Variants in ZFYVE28 observed in about 807,000 individuals in gnomAD.
The protein encoded by ZFYVE28 is zinc finger FYVE-type containing 28, also known as lateral signaling target protein 2 homolog.
Under a neutral mutation model 82.1 loss-of-function variants are expected in ZFYVE28, and 40 were observed. The ratio of observed to expected loss-of-function variants is 0.49; its 90% CI spans 0.38 to 0.63. ZFYVE28 has a LOEUF of 0.63. Among genes scored for constraint, ZFYVE28 ranks in the 30% least tolerant of loss-of-function variants. The pLI is 0.00. For missense variants in ZFYVE28, 1,321 were observed against 1,242.1 expected, an observed-to-expected ratio of 1.06 and a Z score of -0.96; for synonymous variants, 612 against 546.1, an observed-to-expected ratio of 1.12 and a Z score of -1.68.
intron 1 of ZFYVE28, among the ~76,000 whole-genome samples, chr4:2,404,763 G>A (rs1731650220): frequency 6.6e-6 from 1 of 152,060 alleles, no homozygotes; most frequent in Non-Finnish European, 1.5e-5. Context: ...AGAGCCAATG[G>A]CTGCACCACA....
intron 6 of ZFYVE28, among the ~76,000 whole-genome samples, chr4:2,327,903 A>C (rs1034250915): frequency 2.0e-5 from 3 of 152,240 alleles, no homozygotes; most frequent in African/African-American, 7.2e-5. Flanking sequence ...AAGAAGATGA[A>C]AGATAAGTGT....
chr4:2,271,020 A>G, intron 12 of ZFYVE28, 164 bp from the exon 13 acceptor site: 1 of 1,047,734 alleles, frequency 9.5e-7, no homozygotes, highest in Non-Finnish European at 1.4e-6. Context: ...GCTGGACTCT[A>G]TGAGGGGTCC....
intron 1 of ZFYVE28, among the ~76,000 whole-genome samples, chr4:2,406,172 G>C (rs528404442): frequency 6.6e-6 from 1 of 152,088 alleles, no homozygotes; most frequent in African/African-American, 2.4e-5. Flanking sequence ...AGGAATTCAA[G>C]ACCAGCCTGG....
chr4:2,362,371 T>C lies in ZFYVE28; in HGVS notation c.40-8298A>G, dbSNP rs1192312887. ...AGAGCCTCTGCCTGGGACACACAAA[T>C]GCGGCCCCACAGCTGTGACCCCCAC... On this transcript the variant is annotated intron_variant, in intron 1 of 12. Transcript: ENST00000290974. This position sits in a 1 kb window ranked among gnomAD's most constrained non-coding sequence, Gnocchi z 5.1. 6.6e-6 allele frequency among the ~76,000 whole-genome samples: 1 copy of C among 152,052 alleles called. No homozygotes were observed. Among genetic ancestry groups the C allele is most frequent in the Non-Finnish European group, 1.5e-5 (1 of 67,994 alleles).
At chr4:2,361,430 C>T (rs894126737) in intron 1 of ZFYVE28, among the ~76,000 whole-genome samples, 8 of 152,122 alleles carry the variant, frequency 5.3e-5, no homozygotes, top group Non-Finnish European at 7.4e-5. Context: ...GCGGTGCGCA[C>T]GTGTGAGCTC....
chr4:2,359,787 G>C (rs1725856022), intron 1 of ZFYVE28, among the ~76,000 whole-genome samples: 1 of 152,210 alleles, frequency 6.6e-6, no homozygotes, highest in South Asian at 2.1e-4. Context: ...CCATGCTGCA[G>C]TGCCATGCAG....
rs537553302 is a variant in ZFYVE28 at position 2,335,629 on chromosome 4, C to T, written c.701+76G>A. 20 of 1,410,424 alleles carry T rather than the reference C, an allele frequency of 1.4e-5. No individual in the cohort carries two copies. In the African/African-American group the frequency reaches 1.4e-4, roughly 10 times the overall value. 87.4% of individuals were successfully genotyped at this position (1,410,424 alleles called of 1,614,324 possible). A position where few individuals can be genotyped will look rare whatever the true frequency, so the allele number is the denominator to read the frequency against. On this transcript the variant is annotated intron_variant, in intron 6 of 12. Transcript: ENST00000290974. The surrounding 1 kb of genome is among the most constrained non-coding windows in gnomAD (Gnocchi z 5.8). Reference sequence around the variant, plus strand: ...GGTGGAGACGCCATGGACCGGCACCCGCACGGGACCTGGCACCATCAGCCC... The same window carrying T: ...GGTGGAGACGCCATGGACCGGCACCTGCACGGGACCTGGCACCATCAGCCC...
chr4:2,302,405 G>A (rs1443946381), intron 8 of ZFYVE28, among the ~76,000 whole-genome samples: 6 of 152,212 alleles, frequency 3.9e-5, no homozygotes, highest in Non-Finnish European at 8.8e-5. Flanking sequence ...GTGAGGAAAT[G>A]GTGTCCAGTG....
At position 2,303,904 on chromosome 4, in the gene ZFYVE28, G is replaced by A. The variant is rs558626982; in HGVS notation, c.2051+385C>T. On this transcript the variant is annotated intron_variant, in intron 8 of 12. Coordinates refer to ENST00000290974, the MANE Select transcript of ZFYVE28 (RefSeq NM_020972.3). ...GGATGCGGCTCAGGGCAAGGGGCCCGGCGCTGGCACAGCCCGCTCCCACTG... is the reference window on the plus strand; with the variant it reads ...GGATGCGGCTCAGGGCAAGGGGCCCAGCGCTGGCACAGCCCGCTCCCACTG... 5.2e-3 allele frequency among the ~76,000 whole-genome samples: 796 copies of A among 152,336 alleles called. 10 individuals are homozygous for A. Among genetic ancestry groups the A allele is most frequent in the African/African-American group, 0.018 (753 of 41,578 alleles).
chr4:2,367,307 G>A (rs1420240650), intron 1 of ZFYVE28, among the ~76,000 whole-genome samples: 2 of 152,188 alleles, frequency 1.3e-5, no homozygotes, highest in African/African-American at 2.4e-5. Context: ...AAACTTGCTA[G>A]GAAGACAATC....
chr4:2,408,776 C>T lies in ZFYVE28; in HGVS notation c.39+9509G>A, dbSNP rs1366094946. Reference sequence around the variant, plus strand: ...AGATGGCCCCACACTGTGAGTCCTGCCCATATAAGCCCCACCTAGATGAAG... The same window carrying T: ...AGATGGCCCCACACTGTGAGTCCTGTCCATATAAGCCCCACCTAGATGAAG... On this transcript the variant is annotated intron_variant, in intron 1 of 12. Transcript: ENST00000290974. The surrounding 1 kb of genome is among the most constrained non-coding windows in gnomAD (Gnocchi z 4.3). Among the ~76,000 whole-genome samples, 1 of 152,130 alleles carries T rather than the reference C, an allele frequency of 6.6e-6. No homozygotes were observed. The highest frequency in any genetic ancestry group is 1.5e-5 in the Non-Finnish European group (1 of 68,016).
chr4:2,402,870 C>G (rs1731348217), intron 1 of ZFYVE28, among the ~76,000 whole-genome samples: 1 of 151,934 alleles, frequency 6.6e-6, no homozygotes, highest in Admixed American at 6.6e-5. Flanking sequence ...GCCAAGCCTG[C>G]CCCCTCCACC....
intron 1 of ZFYVE28, among the ~76,000 whole-genome samples, chr4:2,377,801 C>T (rs144504369): frequency 6.6e-6 from 1 of 152,130 alleles, no homozygotes; most frequent in South Asian, 2.1e-4. Flanking sequence ...TATTTCTGAA[C>T]GATGTGAATA....
intron 1 of ZFYVE28, among the ~76,000 whole-genome samples, chr4:2,389,547 C>A (rs1049685994): frequency 3.3e-5 from 5 of 152,178 alleles, no homozygotes; most frequent in African/African-American, 1.2e-4. Context: ...TAAGGCCAGG[C>A]GGCTTCTGAT....
At chr4:2,395,373 G>GTGAA (rs1217670772) in intron 1 of ZFYVE28, among the ~76,000 whole-genome samples, 1 of 152,244 alleles carries the variant, frequency 6.6e-6, no homozygotes, top group African/African-American at 2.4e-5. Flanking sequence ...AGCATGCAAG[G>GTGAA]TGAAGCCTTT....
intron 1 of ZFYVE28, among the ~76,000 whole-genome samples, chr4:2,398,036 A>AT (rs1553865009): frequency 1.6e-5 from 2 of 121,764 alleles, no homozygotes; most frequent in Non-Finnish European, 3.4e-5. Flanking sequence ...GTGAGATGGG[A>AT]GGGGGGGTCC....
intron 1 of ZFYVE28, among the ~76,000 whole-genome samples, chr4:2,376,920 T>C (rs959793258): frequency 6.6e-6 from 1 of 151,816 alleles, no homozygotes; most frequent in East Asian, 1.9e-4. Context: ...AGCGAGACCC[T>C]GTCTCAAAAA....
intron 8 of ZFYVE28, among the ~76,000 whole-genome samples, chr4:2,304,080 G>A (rs1320673304): frequency 1.3e-5 from 2 of 152,250 alleles, no homozygotes; most frequent in Non-Finnish European, 1.5e-5. Context: ...ATTTTCTGGT[G>A]CATGACGCCC....
chr4:2,386,901 C>G (rs989743138), intron 1 of ZFYVE28, among the ~76,000 whole-genome samples: 1 of 152,252 alleles, frequency 6.6e-6, no homozygotes, highest in East Asian at 1.9e-4. Context: ...GCCCTCAGCT[C>G]GCCTCCCGGA....
Sources: allele counts gnomAD v4.1 joint callset (sites outside exome capture counted in the v4.1 genomes callset), GRCh38; gene constraint gnomAD v4.1.1; non-coding constraint Gnocchi (gnomAD v3.1); transcripts MANE v1.5; gene names NCBI Gene and HGNC (gene_info 2026-07-23, HGNC 2026-07-21).